CTNNA3: variants seen among roughly 807,000 people sequenced by gnomAD.
CTNNA3 encodes the protein catenin alpha 3.
A neutral mutation model predicts 95.7 loss-of-function variants in CTNNA3; 76 were observed. That is an observed-to-expected ratio of 0.79 (90% CI 0.66 to 0.96). The LOEUF is 0.96. Ranked by LOEUF, CTNNA3 falls within the 40% of genes least tolerant of loss-of-function variation. CTNNA3 has a pLI of 0.00. For missense variants in CTNNA3, 1,191 were observed against 1,089.8 expected, an observed-to-expected ratio of 1.09 and a Z score of -1.31; for synonymous variants, 431 against 374.4, an observed-to-expected ratio of 1.15 and a Z score of -1.74.
At chr10:66,421,416 C>T (rs900766771) in intron 11 of CTNNA3, among the ~76,000 whole-genome samples, 6 of 152,092 alleles carry the variant, frequency 3.9e-5, no homozygotes, top group African/African-American at 1.4e-4. Flanking sequence ...AAAGGACTTC[C>T]TAACCCATAG....
chr10:67,252,586 C>A (rs1355520804), intron 5 of CTNNA3, among the ~76,000 whole-genome samples: 1 of 152,000 alleles, frequency 6.6e-6, no homozygotes, highest in Non-Finnish European at 1.5e-5. Flanking sequence ...CTGTACTCAC[C>A]CTTCTTCTTG....
chr10:67,653,178 A>G (rs1839926139), intron 1 of CTNNA3, among the ~76,000 whole-genome samples: 1 of 152,182 alleles, frequency 6.6e-6, no homozygotes, highest in Non-Finnish European at 1.5e-5. Context: ...AACAGGAGCA[A>G]GAGAGAAAGA....
At chr10:66,838,352 TACA>T (rs1476928050) in intron 7 of CTNNA3, among the ~76,000 whole-genome samples, 1 of 152,152 alleles carries the variant, frequency 6.6e-6, no homozygotes, top group African/African-American at 2.4e-5. Flanking sequence ...GTTTAGAACC[TACA>T]ACAATAATAA....
At chr10:67,228,415 C>G (rs1016048565) in intron 5 of CTNNA3, among the ~76,000 whole-genome samples, 1 of 152,030 alleles carries the variant, frequency 6.6e-6, no homozygotes, top group Non-Finnish European at 1.5e-5. Context: ...GAGTTTGAGA[C>G]CAGTTTGGCC....
chr10:66,259,061 C>G (rs566531961), intron 13 of CTNNA3, among the ~76,000 whole-genome samples: 2 of 152,140 alleles, frequency 1.3e-5, no homozygotes, highest in Non-Finnish European at 2.9e-5. Context: ...CCTTGTTACT[C>G]TTCTTTTAAT....
At chr10:66,693,434 A>C (rs1589134477) in intron 9 of CTNNA3, among the ~76,000 whole-genome samples, 2 of 150,140 alleles carry the variant, frequency 1.3e-5, no homozygotes, top group Admixed American at 6.6e-5. Flanking sequence ...ATATGCACCC[A>C]ATACAGGAGC....
At position 66,394,978 on chromosome 10, in the gene CTNNA3, TG is replaced by T. The variant is rs972319552; in HGVS notation, c.1532-15627del. ...CAGATAAAATTAAGAATAAATGAGTTGCTGATAACCTGGTAAATTTTACTAA... is the reference window on the plus strand; with the variant it reads ...CAGATAAAATTAAGAATAAATGAGTTCTGATAACCTGGTAAATTTTACTAA... On this transcript the variant is annotated intron_variant, in intron 11 of 17. Transcript: ENST00000433211. 1.8e-4 allele frequency among the ~76,000 whole-genome samples: 27 copies of T among 152,028 alleles called. 1 individual carries two copies. Among genetic ancestry groups the T allele is most frequent in the African/African-American group, 6.5e-4 (27 of 41,420 alleles).
In CTNNA3 at chr10:65,920,434, C is replaced by T. The variant is rs1956858363; in HGVS notation, c.2584G>A (p.Glu862Lys). The T allele has an allele frequency of 6.2e-7, 1 of 1,614,144 alleles. No homozygotes were observed. Among genetic ancestry groups the T allele is most frequent in the Non-Finnish European group, 8.5e-7 (1 of 1,180,024 alleles). Residue 862 changes from glutamate (E) to lysine (K), a missense_variant, in exon 18 of 18, where the codon GAG becomes AAG. Transcript: ENST00000433211. Reference protein sequence around the residue: ...APAKKPLIKREKPEETCAAVR... With the variant: ...APAKKPLIKRKKPEETCAAVR... Reference sequence around the variant, plus strand: ...GCTGCACACGTTTCCTCTGGCTTCTCTCTTTTAATCAAGGGTTTTTTTGCA... The same window carrying T: ...GCTGCACACGTTTCCTCTGGCTTCTTTCTTTTAATCAAGGGTTTTTTTGCA...
chr10:66,691,255 C>T (rs986916102), intron 9 of CTNNA3, among the ~76,000 whole-genome samples: 1 of 152,176 alleles, frequency 6.6e-6, no homozygotes, highest in African/African-American at 2.4e-5. Context: ...CACTCCCACC[C>T]TAATACTGCG....
intron 7 of CTNNA3, among the ~76,000 whole-genome samples, chr10:66,866,123 T>C (rs924136750): frequency 1.3e-5 from 2 of 152,192 alleles, no homozygotes; most frequent in African/African-American, 4.8e-5. Flanking sequence ...GGAATTTGAC[T>C]GACTTCACAT....
rs570826772 is a variant in CTNNA3, at chr10:66,530,662, C to T, written c.1375-9889G>A. On this transcript the variant is annotated intron_variant, in intron 10 of 17. Transcript: ENST00000433211. ...TGTGGTGCTGAGGAGACCTAACCTG[C>T]CATGGACTCCAGGTTTACAATTAAT... Among the ~76,000 whole-genome samples, 5 of 152,138 alleles carry T rather than the reference C, an allele frequency of 3.3e-5. No homozygotes were observed. In the East Asian group the frequency reaches 9.7e-4, roughly 29 times the overall value.
intron 15 of CTNNA3, among the ~76,000 whole-genome samples, chr10:66,033,336 C>T (rs2079488644): frequency 6.6e-6 from 1 of 151,898 alleles, no homozygotes; most frequent in South Asian, 2.1e-4. Flanking sequence ...AGGGTTTCAC[C>T]ATGTTAGCCG....
At chr10:67,636,421 AC>A (rs1170661209) in intron 2 of CTNNA3, among the ~76,000 whole-genome samples, 1 of 152,186 alleles carries the variant, frequency 6.6e-6, no homozygotes, top group East Asian at 1.9e-4. Context: ...TTCAAACTAT[AC>A]TACAGGGCTA....
At chr10:67,316,899 G>A (rs1371388142) in intron 5 of CTNNA3, among the ~76,000 whole-genome samples, 1 of 152,060 alleles carries the variant, frequency 6.6e-6, no homozygotes, top group African/African-American at 2.4e-5. Flanking sequence ...TTATTCTAAA[G>A]GGTTTCTTTT....
At chr10:67,175,107 G>A (rs1310492967) in intron 7 of CTNNA3, among the ~76,000 whole-genome samples, 1 of 7,904 alleles carries the variant, frequency 1.3e-4, no homozygotes, top group Middle Eastern at 0.062. Context: ...GAGGGAGGAA[G>A]GGCAAGAAGG....
intron 9 of CTNNA3, among the ~76,000 whole-genome samples, chr10:66,628,985 T>C (rs190130816): frequency 2.2e-4 from 34 of 152,190 alleles, no homozygotes; most frequent in African/African-American, 8.2e-4. Context: ...GTATATAAGA[T>C]ATTAATATTT....
In CTNNA3 at chr10:66,104,029, A is replaced by G. The variant is rs560577654; in HGVS notation, c.1885-780T>C. On this transcript the variant is annotated intron_variant, in intron 13 of 17. Transcript: ENST00000433211. ...CAGTTGATAAATGCATTAGATAATC[A>G]TCATTAAAATCATATATCATCAAAA... is the stretch of plus-strand genomic sequence containing the variant. Among the ~76,000 whole-genome samples, 6 of 152,370 alleles carry G rather than the reference A, an allele frequency of 3.9e-5. No homozygotes were observed. The South Asian group carries it at 6.2e-4, about 16-fold the overall frequency.
chr10:67,528,647 T>C (rs1840222424), intron 4 of CTNNA3, among the ~76,000 whole-genome samples: 1 of 152,204 alleles, frequency 6.6e-6, no homozygotes, highest in African/African-American at 2.4e-5. Context: ...TACCAACCTC[T>C]ACCATAATAA....
At chr10:66,974,485 G>A (rs189932389) in intron 7 of CTNNA3, among the ~76,000 whole-genome samples, 11 of 152,144 alleles carry the variant, frequency 7.2e-5, no homozygotes, top group East Asian at 5.8e-4. Context: ...CAAGTCATTC[G>A]CCAGCATATG....
Sources: allele counts gnomAD v4.1 joint callset (sites outside exome capture counted in the v4.1 genomes callset), GRCh38; gene constraint gnomAD v4.1.1; transcripts MANE v1.5; gene names NCBI Gene and HGNC (gene_info 2026-07-23, HGNC 2026-07-21).